Variants in SLC44A5 observed in about 807,000 individuals in gnomAD.
SLC44A5 encodes the protein solute carrier family 44 member 5.
SLC44A5 carries 57 observed loss-of-function variants against 101.8 expected under a neutral mutation model. The ratio of observed to expected loss-of-function variants is 0.56; its 90% CI spans 0.45 to 0.70. SLC44A5 has a LOEUF of 0.70. Ranked by LOEUF, SLC44A5 falls within the 30% of genes least tolerant of loss-of-function variation. The pLI, the probability that SLC44A5 is intolerant of heterozygous loss-of-function variation, is 0.00. For synonymous variants in SLC44A5, 281 were observed against 290.9 expected (o/e 0.97, Z 0.35); for missense variants, 737 against 853.1 (o/e 0.86, Z 1.70).
chr1:75,269,522 T>C (rs1370142156), intron 6 of SLC44A5, among the ~76,000 whole-genome samples: 1 of 152,048 alleles, frequency 6.6e-6, no homozygotes, highest in East Asian at 2.0e-4. Flanking sequence ...CTGTTACTTC[T>C]ATGGTTTTAT....
At chr1:75,311,555 C>G in intron 4 of SLC44A5, 1 of 985,118 alleles carries the variant, frequency 1.0e-6, no homozygotes, top group Non-Finnish European at 1.2e-6. Context: ...CTAATATCCT[C>G]TTTTCTGCCA....
At chr1:75,678,773 A>G in the SLC44A5 span, among the ~76,000 whole-genome samples, 5 of 152,140 alleles carry the variant, frequency 3.3e-5, no homozygotes, top group African/African-American at 9.7e-5. Flanking sequence ...AATGACTTTG[A>G]CGAGCTGAGA....
chr1:75,655,838 T>C, the SLC44A5 span, among the ~76,000 whole-genome samples: 14 of 152,022 alleles, frequency 9.2e-5, no homozygotes, highest in Admixed American at 2.6e-4. Context: ...TATTAGAAAG[T>C]TTATTCAAAG....
chr1:75,403,756 C>T (rs187337502), intron 2 of SLC44A5, among the ~76,000 whole-genome samples: 46 of 152,192 alleles, frequency 3.0e-4, no homozygotes, highest in Middle Eastern at 6.8e-3. Context: ...CAGCACAAAA[C>T]GGCTGAAAAT....
intron 1 of SLC44A5, among the ~76,000 whole-genome samples, chr1:75,573,376 CA>C (rs1377598973): frequency 6.6e-6 from 1 of 151,788 alleles, no homozygotes; most frequent in Non-Finnish European, 1.5e-5. Context: ...ATATAACTGC[CA>C]GAAGAATCAA....
chr1:75,414,846 G>A (rs560532112), intron 2 of SLC44A5, among the ~76,000 whole-genome samples: 1 of 152,300 alleles, frequency 6.6e-6, no homozygotes, highest in East Asian at 1.9e-4. Context: ...GAAGAGAAAA[G>A]GCAGAGACAA....
chr1:75,563,533 T>G (rs1006059723), intron 1 of SLC44A5, among the ~76,000 whole-genome samples: 4 of 152,012 alleles, frequency 2.6e-5, no homozygotes. Flanking sequence ...TTTTTACATA[T>G]TATTTTTAAA....
At chr1:75,278,753 T>C (rs917946921) in intron 5 of SLC44A5, among the ~76,000 whole-genome samples, 1 of 152,146 alleles carries the variant, frequency 6.6e-6, no homozygotes, top group Non-Finnish European at 1.5e-5. Context: ...GTATATTGAA[T>C]AGGAAAATCA....
At chr1:75,475,868 T>A (rs1667361069) in intron 2 of SLC44A5, among the ~76,000 whole-genome samples, 1 of 152,236 alleles carries the variant, frequency 6.6e-6, no homozygotes, top group Non-Finnish European at 1.5e-5. Flanking sequence ...TTTCTTCATC[T>A]GTAAAATGGA....
At chr1:75,224,735 C>T (rs1339602667) in intron 13 of SLC44A5, among the ~76,000 whole-genome samples, 2 of 151,222 alleles carry the variant, frequency 1.3e-5, no homozygotes, top group Non-Finnish European at 2.9e-5. Context: ...CACACCTGGC[C>T]TGTGCCTCCA....
At chr1:75,558,594 G>T in intron 1 of SLC44A5, among the ~76,000 whole-genome samples, 1 of 152,046 alleles carries the variant, frequency 6.6e-6, no homozygotes, top group East Asian at 1.9e-4. Context: ...GAAAAAGTTT[G>T]AAGATCATAT....
At chr1:75,540,865 G>A (rs1240455162) in intron 2 of SLC44A5, among the ~76,000 whole-genome samples, 1 of 152,108 alleles carries the variant, frequency 6.6e-6, no homozygotes, top group Non-Finnish European at 1.5e-5. Flanking sequence ...CCTAACCTAT[G>A]CCTGTAAGGG....
chr1:75,530,467 A>C (rs1204913864), intron 2 of SLC44A5, among the ~76,000 whole-genome samples: 1 of 152,192 alleles, frequency 6.6e-6, no homozygotes, highest in Non-Finnish European at 1.5e-5. Flanking sequence ...TGGGCCACAG[A>C]TTTTCAAAAA....
At chr1:75,540,737 C>T (rs562024020) in intron 2 of SLC44A5, among the ~76,000 whole-genome samples, 12 of 151,942 alleles carry the variant, frequency 7.9e-5, no homozygotes, top group East Asian at 3.9e-4. Context: ...TTTACCTTCA[C>T]GAAGGAATAC....
chr1:75,344,968 G>C (rs550369374), intron 3 of SLC44A5, among the ~76,000 whole-genome samples: 43 of 151,128 alleles, frequency 2.8e-4, no homozygotes, highest in African/African-American at 1.0e-3. Context: ...ACCTACATTA[G>C]TGCCTGTTGT....
chr1:75,354,679 A>G (rs2101086240), intron 3 of SLC44A5, among the ~76,000 whole-genome samples: 1 of 152,264 alleles, frequency 6.6e-6, no homozygotes, highest in East Asian at 1.9e-4. Flanking sequence ...GTTGGGTCTG[A>G]TCACTCCGAC....
intron 2 of SLC44A5, among the ~76,000 whole-genome samples, chr1:75,465,385 C>A (rs1302947900): frequency 6.6e-6 from 1 of 151,896 alleles, no homozygotes; most frequent in South Asian, 2.1e-4. Context: ...CATGCCAAAA[C>A]CTATGGGATA....
At chr1:75,439,161 A>G (rs544229316) in intron 2 of SLC44A5, among the ~76,000 whole-genome samples, 5 of 152,004 alleles carry the variant, frequency 3.3e-5, no homozygotes, top group Non-Finnish European at 5.9e-5. Context: ...AGTGGATTCC[A>G]TATAAAAGAA....
At chr1:75,246,965 T>C (rs77657653) in intron 7 of SLC44A5, among the ~76,000 whole-genome samples, 2,451 of 152,140 alleles carry the variant, frequency 0.016, 62 homozygotes, top group African/African-American at 0.056. Context: ...TACAGGTCAT[T>C]GTTAGGACCT....
Sources: gnomAD v4.1 joint callset for allele counts (sites outside exome capture counted in the v4.1 genomes callset) on GRCh38, gnomAD v4.1.1 for gene constraint, MANE v1.5 for transcripts, NCBI Gene and HGNC (gene_info 2026-07-23, HGNC 2026-07-21) for gene names.